ADD1: variants seen among roughly 807,000 people sequenced by gnomAD.
ADD1 encodes adducin 1, also known as alpha-adducin.
A neutral mutation model predicts 80.5 loss-of-function variants in ADD1; 24 were observed. The ratio of observed to expected loss-of-function variants is 0.30; its 90% CI spans 0.22 to 0.42. The LOEUF (loss-of-function observed/expected upper bound fraction) is 0.42, where lower values mean the gene tolerates loss of function less well. Among genes scored for constraint, ADD1 ranks in the 10% least tolerant of loss-of-function variants. ADD1 has a pLI of 1.00. For synonymous variants in ADD1, 373 were observed against 393.8 expected (o/e 0.95, Z 0.63); for missense variants, 948 against 1,019.0 (o/e 0.93, Z 0.95).
chr4:2,881,786 C>T, intron 2 of ADD1, 112 bp from the exon 3 acceptor site: 1 of 788,012 alleles, frequency 1.3e-6, no homozygotes, highest in Non-Finnish European at 1.9e-6. Flanking sequence ...ATCCGTTTGC[C>T]TTTCCAGCAC....
At chr4:2,909,483 C>T in intron 13 of ADD1, 52 bp downstream of exon 13, 3 of 1,117,652 alleles carry the variant, frequency 2.7e-6, no homozygotes, top group Admixed American at 2.4e-5. Flanking sequence ...CTCCCCTCCC[C>T]TCCCCCCTCC....
In ADD1 at chr4:2,922,872, G is replaced by C. The variant is rs906393169; in HGVS notation, c.1949-3142G>C. Among the ~76,000 whole-genome samples the C allele has an allele frequency of 4.6e-5, 7 of 152,380 alleles. No individual in the cohort carries two copies. The South Asian group carries it at 1.2e-3, about 27-fold the overall frequency. ...AATCTAGAGAGGCAGTCTGGCTACA[G>C]TGGCTTTGCATAGCTGCGGTGGGCT... On this transcript the variant is annotated intron_variant, in intron 14 of 15. Transcript: ENST00000683351.
At position 2,908,496 on chromosome 4, in the gene ADD1, C is replaced by G; in HGVS notation, c.1609-19C>G. On this transcript the variant is annotated intron_variant, in intron 11 of 15. Coordinates refer to ENST00000683351, the MANE Select transcript of ADD1 (RefSeq NM_001354761.2). ...GCTGCTCAGGACTGTTGATGTGTGC[C>G]TCTCCTTCCCACCCTCAGATCCGAG... 6.2e-7 allele frequency: 1 copy of G among 1,609,954 alleles called. No individual in the cohort carries two copies. The highest frequency in any genetic ancestry group is 8.5e-7 in the Non-Finnish European group (1 of 1,176,246).
chr4:2,893,026 C>T (rs543671317), intron 4 of ADD1, among the ~76,000 whole-genome samples: 5 of 152,108 alleles, frequency 3.3e-5, no homozygotes, highest in Admixed American at 2.0e-4. Flanking sequence ...AAGTGATTCT[C>T]GTGCCTCAGC....
At chr4:2,844,928 TAGAG>T (rs1352071177) in intron 1 of ADD1, 1 of 152,068 alleles carries the variant, frequency 6.6e-6, no homozygotes, top group Non-Finnish European at 1.5e-5. Flanking sequence ...TGTCTATGAG[TAGAG>T]GCGCCTAGTG....
intron 9 of ADD1, 196 bp downstream of exon 9, chr4:2,899,631 A>T: frequency 1.5e-6 from 1 of 647,734 alleles, no homozygotes; most frequent in East Asian, 2.9e-5. Flanking sequence ...GATTCCTGGT[A>T]TTGTTTTATT....
chr4:2,898,777 T>G, intron 8 of ADD1: 1 of 501,998 alleles, frequency 2.0e-6, no homozygotes, highest in Non-Finnish European at 3.6e-6. Context: ...CTACCATTTA[T>G]GGAGTACTGG....
At chr4:2,912,401 A>G (rs1032914402) in intron 13 of ADD1, among the ~76,000 whole-genome samples, 1 of 152,216 alleles carries the variant, frequency 6.6e-6, no homozygotes, top group Non-Finnish European at 1.5e-5. Context: ...GCTCTCCACC[A>G]CTGGGGACCT....
In ADD1 at chr4:2,899,361, G is replaced by C. The variant is rs201570559; in HGVS notation, c.1087G>C (p.Gly363Arg). The C allele has an allele frequency of 6.2e-7, 1 of 1,614,224 alleles. No homozygotes were observed. Among genetic ancestry groups the C allele is most frequent in the Non-Finnish European group, 8.5e-7 (1 of 1,180,032 alleles). The change falls in exon 9 of 16, where the codon GGC becomes CGC. Residue 363 changes from glycine (G) to arginine (R), a missense_variant. Coordinates refer to ENST00000683351, the MANE Select transcript of ADD1 (RefSeq NM_001354761.2). ...TTCCCCAGGGTCTCCGGTAGGGGAA[G>C]GCACTGGATCGCCTCCCAAGTGGCA... ...SRSPGSPVGE[G>R]TGSPPKWQIG...
chr4:2,867,142 A>T (rs527890708), intron 1 of ADD1, among the ~76,000 whole-genome samples: 36 of 152,332 alleles, frequency 2.4e-4, no homozygotes, highest in Middle Eastern at 3.4e-3. Flanking sequence ...GGAATCTTGC[A>T]GGGTGGTTGG....
At chr4:2,898,583 G>C in intron 8 of ADD1, 52 bp downstream of exon 8, 1 of 1,511,646 alleles carries the variant, frequency 6.6e-7, no homozygotes, top group Non-Finnish European at 9.2e-7. Flanking sequence ...TGTGTCTGGG[G>C]TTCACATAGA....
intron 1 of ADD1, among the ~76,000 whole-genome samples, chr4:2,849,683 G>A (rs573007743): frequency 9.3e-4 from 141 of 152,310 alleles, no homozygotes; most frequent in Non-Finnish European, 1.5e-3. Context: ...GTGGATTAAC[G>A]TATTGAGAAT....
chr4:2,846,577 C>T (rs769049270), intron 1 of ADD1, among the ~76,000 whole-genome samples: 1 of 152,056 alleles, frequency 6.6e-6, no homozygotes, highest in Non-Finnish European at 1.5e-5. Context: ...ATTTGGTTAT[C>T]TTGAGGTATC....
At chr4:2,913,752 C>G (rs928427385) in intron 13 of ADD1, among the ~76,000 whole-genome samples, 1 of 151,868 alleles carries the variant, frequency 6.6e-6, no homozygotes, top group African/African-American at 2.4e-5. Context: ...AGGACGCTCT[C>G]CATCTCTGGT....
chr4:2,858,284 A>T (rs1235211689), intron 1 of ADD1, among the ~76,000 whole-genome samples: 1 of 152,248 alleles, frequency 6.6e-6, no homozygotes. Flanking sequence ...AGTGATAGCT[A>T]CCACTTACTG....
intron 1 of ADD1, among the ~76,000 whole-genome samples, chr4:2,856,054 TTA>T (rs1491219529): frequency 7.4e-5 from 3 of 40,278 alleles, no homozygotes; most frequent in African/African-American, 3.0e-4. Context: ...AAGTTCTTTT[TTA>T]AAAAAAAAAA....
chr4:2,883,010 C>T (rs968902201), intron 3 of ADD1, among the ~76,000 whole-genome samples: 37 of 152,148 alleles, frequency 2.4e-4, no homozygotes, highest in African/African-American at 7.0e-4. Context: ...TACAGGCACA[C>T]ACCACCACAC....
At chr4:2,915,168 C>A in intron 14 of ADD1, 128 bp downstream of exon 14, 1 of 1,067,898 alleles carries the variant, frequency 9.4e-7, no homozygotes, top group Non-Finnish European at 1.3e-6. Flanking sequence ...CAAACCAGAA[C>A]TTTATCCAGT....
intron 10 of ADD1, 21 bp from the exon 11 acceptor site, chr4:2,907,722 C>T (rs779783913): frequency 1.9e-6 from 3 of 1,598,820 alleles, no homozygotes; most frequent in Non-Finnish European, 2.6e-6. Flanking sequence ...TCTGACTTTT[C>T]AACTGTTCTT....
Sources: gnomAD v4.1 joint callset for allele counts (sites outside exome capture counted in the v4.1 genomes callset) on GRCh38, gnomAD v4.1.1 for gene constraint, MANE v1.5 for transcripts, NCBI Gene and HGNC (gene_info 2026-07-23, HGNC 2026-07-21) for gene names.